Variants in LRRC4C observed in about 807,000 individuals in gnomAD.
LRRC4C encodes leucine-rich repeat-containing protein 4C.
LRRC4C carries 5 observed loss-of-function variants against 33.6 expected under a neutral mutation model. The observed-to-expected ratio is 0.15, with a 90% CI of 0.08 to 0.31. LRRC4C has a LOEUF of 0.31. LRRC4C is among the 10% of genes least tolerant of loss of function. The pLI is 1.00. For synonymous variants in LRRC4C, 329 were observed against 302.0 expected, an observed-to-expected ratio of 1.09 and a Z score of -0.93; for missense variants, 560 against 796.7, an observed-to-expected ratio of 0.70 and a Z score of 3.58.
intron 1 of LRRC4C, among the ~76,000 whole-genome samples, chr11:41,112,902 G>A (rs1375930582): frequency 6.6e-6 from 1 of 152,070 alleles, no homozygotes; most frequent in Non-Finnish European, 1.5e-5. Context: ...GTAGGTGTGT[G>A]TGTGTGCACG....
chr11:40,382,142 T>G (rs1293944976), intron 3 of LRRC4C, among the ~76,000 whole-genome samples: 1 of 128,098 alleles, frequency 7.8e-6, no homozygotes, highest in South Asian at 2.4e-4. Context: ...TTTTTTTTTT[T>G]TTTTTTTTTT....
chr11:40,918,913 T>C (rs990666033), intron 2 of LRRC4C, among the ~76,000 whole-genome samples: 22 of 152,176 alleles, frequency 1.4e-4, no homozygotes, highest in African/African-American at 5.3e-4. Context: ...AATGTACTTA[T>C]AATACATCAG....
intron 4 of LRRC4C, among the ~76,000 whole-genome samples, chr11:40,295,195 C>G (rs1454463092): frequency 2.6e-5 from 4 of 152,142 alleles, no homozygotes; most frequent in African/African-American, 9.7e-5. Flanking sequence ...ACATTGGTTT[C>G]TTTCTCCAAT....
chr11:40,838,693 C>T (rs2135614489), intron 2 of LRRC4C, among the ~76,000 whole-genome samples: 1 of 151,898 alleles, frequency 6.6e-6, no homozygotes, highest in East Asian at 1.9e-4. Flanking sequence ...CCCAAACACC[C>T]ACACACATAA....
chr11:40,768,754 T>A (rs1434730211), intron 2 of LRRC4C, among the ~76,000 whole-genome samples: 1 of 152,090 alleles, frequency 6.6e-6, no homozygotes, highest in East Asian at 1.9e-4. Flanking sequence ...TCATTTCAAC[T>A]GATGCTAAAA....
At chr11:40,388,477 C>T (rs1263699404) in intron 3 of LRRC4C, among the ~76,000 whole-genome samples, 1 of 152,122 alleles carries the variant, frequency 6.6e-6, no homozygotes, top group Non-Finnish European at 1.5e-5. Context: ...TTCCTGATAG[C>T]CCTTCCCAAA....
chr11:40,226,707 G>A (rs2094693544), intron 5 of LRRC4C, among the ~76,000 whole-genome samples: 1 of 152,164 alleles, frequency 6.6e-6, no homozygotes, highest in Admixed American at 6.5e-5. Context: ...TAAGCGCTAT[G>A]ATCCTGAGAA....
At chr11:40,319,872 ATAAC>A (rs1423272930) in intron 3 of LRRC4C, 151 bp from the exon 4 acceptor site, 1 of 152,192 alleles carries the variant, frequency 6.6e-6, no homozygotes, top group Non-Finnish European at 1.5e-5. Context: ...TGTGTGTTAC[ATAAC>A]TAACAAATCA....
intron 4 of LRRC4C, among the ~76,000 whole-genome samples, chr11:40,284,850 G>T (rs1391068146): frequency 6.6e-6 from 1 of 152,088 alleles, no homozygotes; most frequent in Non-Finnish European, 1.5e-5. Flanking sequence ...TAGGTTTCTG[G>T]AGAAAAAATA....
intron 1 of LRRC4C, among the ~76,000 whole-genome samples, chr11:41,246,575 C>T (rs909273161): frequency 6.6e-6 from 1 of 152,200 alleles, no homozygotes; most frequent in African/African-American, 2.4e-5. Flanking sequence ...CCAGCTCCTG[C>T]AGCTCTGTGG....
intron 4 of LRRC4C, among the ~76,000 whole-genome samples, chr11:40,275,764 A>T (rs2136389523): frequency 6.6e-6 from 1 of 152,270 alleles, no homozygotes; most frequent in Non-Finnish European, 1.5e-5. Flanking sequence ...TCATAATTTC[A>T]TTTGAATTTT....
intron 1 of LRRC4C, among the ~76,000 whole-genome samples, chr11:41,263,279 A>T (rs1187275131): frequency 1.3e-5 from 2 of 152,130 alleles, no homozygotes; most frequent in Non-Finnish European, 2.9e-5. Context: ...TAACATCCGC[A>T]CCCTCATCAC....
intron 1 of LRRC4C, among the ~76,000 whole-genome samples, chr11:40,999,531 A>C (rs2137361091): frequency 6.6e-6 from 1 of 152,290 alleles, no homozygotes; most frequent in Non-Finnish European, 1.5e-5. Flanking sequence ...TTAAGTGCCT[A>C]AAACATGGGC....
At chr11:40,566,109 T>TTTTA (rs1048032166) in intron 3 of LRRC4C, among the ~76,000 whole-genome samples, 1 of 141,740 alleles carries the variant, frequency 7.1e-6, no homozygotes, top group Non-Finnish European at 1.5e-5. Context: ...TTTTTTTTTT[T>TTTTA]ACTTATGTCA....
At chr11:40,760,787 G>GTA (rs72363035) in intron 2 of LRRC4C, among the ~76,000 whole-genome samples, 57 of 140,588 alleles carry the variant, frequency 4.1e-4, no homozygotes, top group African/African-American at 8.0e-4. Flanking sequence ...ATTTTTGTGT[G>GTA]TATATATATA....
chr11:40,201,156 A>G (rs1590693821), intron 5 of LRRC4C, among the ~76,000 whole-genome samples: 1 of 152,322 alleles, frequency 6.6e-6, no homozygotes, highest in East Asian at 1.9e-4. Flanking sequence ...CACGCAAGGC[A>G]GAAGGCACAC....
chr11:40,171,601 T>C (rs976307763), intron 5 of LRRC4C, among the ~76,000 whole-genome samples: 9 of 152,160 alleles, frequency 5.9e-5, no homozygotes, highest in Admixed American at 5.2e-4. Context: ...AGCATAGAAA[T>C]GATCTCCTAG....
At chr11:40,972,251 C>T (rs1193493396) in intron 1 of LRRC4C, among the ~76,000 whole-genome samples, 3 of 151,816 alleles carry the variant, frequency 2.0e-5, no homozygotes, top group African/African-American at 4.8e-5. Flanking sequence ...ATTCTCATAC[C>T]TCAGTCCCTT....
intron 2 of LRRC4C, among the ~76,000 whole-genome samples, chr11:40,920,417 A>G (rs1166153046): frequency 6.6e-6 from 1 of 152,152 alleles, no homozygotes; most frequent in Non-Finnish European, 1.5e-5. Context: ...ACTATCTATA[A>G]GCCCACAAAG....
Sources: gnomAD v4.1 joint callset for allele counts (sites outside exome capture counted in the v4.1 genomes callset) on GRCh38, gnomAD v4.1.1 for gene constraint, MANE v1.5 for transcripts, NCBI Gene and HGNC (gene_info 2026-07-23, HGNC 2026-07-21) for gene names.